The following IL2RA variants were observed in gnomAD, a reference collection of about 807,000 sequenced individuals.
IL2RA encodes interleukin 2 receptor subunit alpha.
In IL2RA, 24 loss-of-function variants were observed where a neutral mutation model predicts 37.8. The ratio of observed to expected loss-of-function variants is 0.63; its 90% CI spans 0.46 to 0.89. The LOEUF is 0.89. Ranked by LOEUF, IL2RA falls within the 40% of genes least tolerant of loss-of-function variation. The probability of loss-of-function intolerance (pLI) is 0.00; values close to 1 mark genes in which losing one functional copy is unlikely to be tolerated. For synonymous variants in IL2RA, 125 were observed against 114.6 expected, an observed-to-expected ratio of 1.09 and a Z score of -0.58; for missense variants, 319 against 348.6, an observed-to-expected ratio of 0.92 and a Z score of 0.68.
intron 1 of IL2RA, among the ~76,000 whole-genome samples, chr10:6,030,621 G>A (rs1839561397): frequency 6.6e-6 from 1 of 152,156 alleles, no homozygotes; most frequent in Admixed American, 6.5e-5. Flanking sequence ...TGGCACATCT[G>A]CATTACACTA....
At position 6,058,265 on chromosome 10, in the gene IL2RA, T is replaced by C. The variant is rs980975302; in HGVS notation, c.64+3823A>G. 3.3e-5 allele frequency among the ~76,000 whole-genome samples: 5 copies of C among 152,234 alleles called. No individual in the cohort carries two copies. Among genetic ancestry groups the C allele is most frequent in the African/African-American group, 1.2e-4 (5 of 41,460 alleles). On this transcript the variant is annotated intron_variant, in intron 1 of 7. Coordinates refer to ENST00000379959, the MANE Select transcript of IL2RA (RefSeq NM_000417.3). The surrounding 1 kb of genome is among the most constrained non-coding windows in gnomAD (Gnocchi z 4.2). ...TTTAGAGCTCAGCAACCGTTCTATA[T>C]TAGCACCTCTAACTGACGCATTCGT...
rs1038042432 is a variant in IL2RA at position 6,029,322 on chromosome 10, G to A, written c.65-3297C>T. Among the ~76,000 whole-genome samples, 7 of 151,754 alleles carry A rather than the reference G, an allele frequency of 4.6e-5. No individual in the cohort carries two copies. The highest frequency in any genetic ancestry group is 8.8e-5 in the Non-Finnish European group (6 of 67,926). ...TGGGATTATAGGTGTGCGCCAACAC[G>A]TCTGGCTACTTTTTGTGTTTTTAGT... On this transcript the variant is annotated intron_variant, in intron 1 of 7. Coordinates refer to ENST00000379959, the MANE Select transcript of IL2RA (RefSeq NM_000417.3). This position sits in a 1 kb window ranked among gnomAD's most constrained non-coding sequence, Gnocchi z 4.6.
In IL2RA at chr10:6,031,644, A is replaced by G. The variant is rs536459384; in HGVS notation, c.65-5619T>C. Reference sequence around the variant, plus strand: ...ACATAAAATGTTTGTAAATAAGCCTACCAAAAACTTGTAATACCACTAAAC... The same window carrying G: ...ACATAAAATGTTTGTAAATAAGCCTGCCAAAAACTTGTAATACCACTAAAC... On this transcript the variant is annotated intron_variant, in intron 1 of 7. Transcript: ENST00000379959. 2.0e-5 allele frequency among the ~76,000 whole-genome samples: 3 copies of G among 151,342 alleles called. No individual in the cohort carries two copies. The East Asian group carries it at 5.8e-4, about 29-fold the overall frequency.
At chr10:6,026,450 T>C (rs1004614713) in intron 1 of IL2RA, among the ~76,000 whole-genome samples, 1 of 152,236 alleles carries the variant, frequency 6.6e-6, no homozygotes, top group East Asian at 1.9e-4. Context: ...CTATAATTAA[T>C]GACTGTGCGC....
chr10:6,060,040 C>T (rs2132908715), intron 1 of IL2RA, among the ~76,000 whole-genome samples: 1 of 152,194 alleles, frequency 6.6e-6, no homozygotes, highest in East Asian at 1.9e-4. Context: ...CCCTCCAAGA[C>T]CACTCAGACC....
rs1370904279 is a variant in IL2RA at position 6,048,736 on chromosome 10, A to G, written c.64+13352T>C. ...ACCCAGTGCTTTCTCTTCTTCCTTCATTCTTCACATAAACCCAATGCTGTC... is the reference window on the plus strand; with the variant it reads ...ACCCAGTGCTTTCTCTTCTTCCTTCGTTCTTCACATAAACCCAATGCTGTC... On this transcript the variant is annotated intron_variant, in intron 1 of 7. Coordinates refer to ENST00000379959, the MANE Select transcript of IL2RA (RefSeq NM_000417.3). The surrounding 1 kb of genome is among the most constrained non-coding windows in gnomAD (Gnocchi z 5.3). Among the ~76,000 whole-genome samples, 2 of 152,100 alleles carry G rather than the reference A, an allele frequency of 1.3e-5. No homozygotes were observed. The highest frequency in any genetic ancestry group is 4.8e-5 in the African/African-American group (2 of 41,402).
chr10:6,021,511 A>G lies in IL2RA; in HGVS notation c.550T>C (p.Cys184Arg). 1.2e-6 allele frequency: 2 copies of G among 1,614,112 alleles called. No homozygotes were observed. The highest frequency in any genetic ancestry group is 1.7e-6 in the Non-Finnish European group (2 of 1,180,006). The change falls in exon 4 of 8, where the codon TGC becomes CGC. Residue 184 changes from cysteine to arginine, a missense_variant. Coordinates refer to ENST00000379959, the MANE Select transcript of IL2RA (RefSeq NM_000417.3). The surrounding 1 kb of genome is among the most constrained non-coding windows in gnomAD (Gnocchi z 4.9). ...KTRWTQPQLI[C>R]TGEMETSQFP... ...TGACTGGTCTCCATTTCACCTGTGC[A>G]TATGAGCTGGGGCTGGGTCCACCTT...
Position 6,062,349 on chromosome 10 carries a change from C to A in IL2RA, c.-198G>T, listed in dbSNP as rs1564556531. The A allele has an allele frequency of 2.4e-6, 1 of 419,428 alleles. No individual in the cohort carries two copies. The highest frequency in any genetic ancestry group is 4.5e-5 in the East Asian group (1 of 22,044). 26.0% of individuals were successfully genotyped at this position (419,428 alleles called of 1,614,324 possible). On this transcript the variant is annotated 5_prime_UTR_variant, in exon 1 of 8. Transcript: ENST00000379959. ...TTGCTCTCTTTAAGTATTGGGCTGGCGTGTTCAGCCAGGAAACTGCCTAGC... is the reference window on the plus strand; with the variant it reads ...TTGCTCTCTTTAAGTATTGGGCTGGAGTGTTCAGCCAGGAAACTGCCTAGC...
In IL2RA at chr10:6,058,043, C is replaced by T. The variant is rs1296009362; in HGVS notation, c.64+4045G>A. 6.6e-6 allele frequency among the ~76,000 whole-genome samples: 1 copy of T among 152,172 alleles called. No homozygotes were observed. The highest frequency in any genetic ancestry group is 1.9e-4 in the East Asian group (1 of 5,200). On this transcript the variant is annotated intron_variant, in intron 1 of 7. Transcript: ENST00000379959. This position sits in a 1 kb window ranked among gnomAD's most constrained non-coding sequence, Gnocchi z 4.2. ...TGGGGAGGCTGAGGCAGGAGAATCACTTGAACCCGGGAGGCAGAGGTTGCA... is the reference window on the plus strand; with the variant it reads ...TGGGGAGGCTGAGGCAGGAGAATCATTTGAACCCGGGAGGCAGAGGTTGCA...
intron 5 of IL2RA, 60 bp downstream of exon 5, chr10:6,019,810 T>C: frequency 1.3e-6 from 2 of 1,489,096 alleles, no homozygotes; most frequent in Non-Finnish European, 9.4e-7. Flanking sequence ...GCCTGGCTCC[T>C]GGTCACCTCT....
chr10:6,042,936 G>T (rs527771499), intron 1 of IL2RA, among the ~76,000 whole-genome samples: 13 of 152,164 alleles, frequency 8.5e-5, no homozygotes, highest in Non-Finnish European at 1.9e-4. Flanking sequence ...TTAGCATAGC[G>T]ATTTCAAAGA....
At chr10:6,051,526 CTTT>C (rs1312667850) in intron 1 of IL2RA, among the ~76,000 whole-genome samples, 2 of 117,156 alleles carry the variant, frequency 1.7e-5, no homozygotes, top group African/African-American at 3.2e-5. Context: ...TATTTTTTTT[CTTT>C]TTTTTTTTGA....
Position 6,026,069 on chromosome 10 carries a change from G to A in IL2RA, c.65-44C>T, listed in dbSNP as rs140165588. The A allele has an allele frequency of 2.6e-5, 40 of 1,567,418 alleles. No individual in the cohort carries two copies. In the African/African-American group the frequency reaches 4.3e-4, roughly 17 times the overall value. On this transcript the variant is annotated intron_variant, in intron 1 of 7. Transcript: ENST00000379959. ...CTATTAGGAACTCAAGAGGCCCCAG[G>A]CAAGTACTCACATATTTAATCCTAT...
In IL2RA at chr10:6,047,741, TATATA is replaced by T. The variant is rs1205626660; in HGVS notation, c.64+14342_64+14346del. 1.3e-5 allele frequency among the ~76,000 whole-genome samples: 2 copies of T among 149,388 alleles called. No homozygotes were observed. Among genetic ancestry groups the T allele is most frequent in the African/African-American group, 4.9e-5 (2 of 41,002 alleles). On this transcript the variant is annotated intron_variant, in intron 1 of 7. Transcript: ENST00000379959. This position sits in a 1 kb window ranked among gnomAD's most constrained non-coding sequence, Gnocchi z 5.0. The stretch of plus-strand genomic sequence containing the variant: ...TTATATGATAAAATAATTATACAGA[TATATA>T]ATAAGCAATTAGGGTATGTTATATA...
intron 1 of IL2RA, among the ~76,000 whole-genome samples, chr10:6,032,732 G>T (rs1164776650): frequency 1.1e-4 from 17 of 150,756 alleles, no homozygotes; most frequent in Non-Finnish European, 1.0e-4. Flanking sequence ...GTAAATGATA[G>T]ACTGAGAGAA....
At chr10:6,049,146 G>T (rs1335779559) in intron 1 of IL2RA, among the ~76,000 whole-genome samples, 3 of 152,228 alleles carry the variant, frequency 2.0e-5, no homozygotes, top group African/African-American at 7.2e-5. Flanking sequence ...CTGGTGGTGT[G>T]GCTCAGTCTA....
intron 7 of IL2RA, among the ~76,000 whole-genome samples, chr10:6,016,695 C>T (rs1839285668): frequency 1.3e-5 from 2 of 152,190 alleles, no homozygotes; most frequent in African/African-American, 2.4e-5. Context: ...GTCTCAGCCT[C>T]GCAAGTAGCT....
rs1326744916 is a variant in IL2RA, at chr10:6,012,236, T to C, written c.*636A>G. The C allele has an allele frequency of 6.5e-6, 1 of 152,898 alleles. No homozygotes were observed. The highest frequency in any genetic ancestry group is 1.5e-5 in the Non-Finnish European group (1 of 68,504). The allele number at this position is 152,898 out of a possible 1,614,324, so 9.5% of individuals were successfully genotyped here. Reference sequence around the variant, plus strand: ...AAAGATTATTCTGCCATGGCCTCTGTTTTTTAGAAATTCAAGACTGAAGGC... The same window carrying C: ...AAAGATTATTCTGCCATGGCCTCTGCTTTTTAGAAATTCAAGACTGAAGGC... On this transcript the variant is annotated 3_prime_UTR_variant, in exon 8 of 8. Coordinates refer to ENST00000379959, the MANE Select transcript of IL2RA (RefSeq NM_000417.3). This position sits in a 1 kb window ranked among gnomAD's most constrained non-coding sequence, Gnocchi z 4.8.
Position 6,021,679 on chromosome 10 carries a change from G to T in IL2RA, c.382C>A (p.Pro128Thr), listed in dbSNP as rs747351412. Residue 128 changes from proline to threonine, a missense_variant, in exon 4 of 8, where the codon CCT becomes ACT. Transcript: ENST00000379959. This position sits in a 1 kb window ranked among gnomAD's most constrained non-coding sequence, Gnocchi z 4.9. Reference protein sequence around the residue: ...QASLPGHCREPPPWENEATER... With the variant: ...QASLPGHCRETPPWENEATER... The stretch of plus-strand genomic sequence containing the variant: ...GTGGCTTCATTTTCCCATGGTGGAG[G>T]TTCCCTGCAGTGACCTGGAAGATGG... The T allele has an allele frequency of 2.5e-6, 4 of 1,614,082 alleles. No individual in the cohort carries two copies. The highest frequency in any genetic ancestry group is 2.5e-6 in the Non-Finnish European group (3 of 1,179,978).
Sources: gnomAD v4.1 joint callset for allele counts (sites outside exome capture counted in the v4.1 genomes callset) on GRCh38, gnomAD v4.1.1 for gene constraint, Gnocchi (gnomAD v3.1) non-coding constraint, MANE v1.5 for transcripts, NCBI Gene and HGNC (gene_info 2026-07-23, HGNC 2026-07-21) for gene names.